KHDRBS3: variants seen among roughly 807,000 people sequenced by gnomAD.
The protein encoded by KHDRBS3 is KH domain-containing, RNA-binding, signal transduction-associated protein 3.
Under a neutral mutation model 45.6 loss-of-function variants are expected in KHDRBS3, and 23 were observed. The observed-to-expected ratio is 0.50, with a 90% CI of 0.36 to 0.72. KHDRBS3 has a LOEUF of 0.72. KHDRBS3 is among the 30% of genes least tolerant of loss of function. KHDRBS3 has a pLI of 0.00. For missense variants in KHDRBS3, 352 were observed against 424.8 expected (o/e 0.83, Z 1.51); for synonymous variants, 162 against 156.5 (o/e 1.04, Z -0.26).
intron 5 of KHDRBS3, among the ~76,000 whole-genome samples, chr8:135,575,644 T>A (rs1410248758): frequency 6.6e-6 from 1 of 152,084 alleles, no homozygotes; most frequent in Non-Finnish European, 1.5e-5. Context: ...AGCTGCAAAA[T>A]TGAGATTTTT....
downstream of KHDRBS3, among the ~76,000 whole-genome samples, chr8:135,650,826 TTCATGGAGAGAG>T (rs1416110503): frequency 6.6e-6 from 1 of 152,204 alleles, no homozygotes; most frequent in Non-Finnish European, 1.5e-5. Flanking sequence ...ACCAGATTCC[TTCATGGAGAGAG>T]TCTTTCACTT....
intron 1 of KHDRBS3, chr8:135,458,258 TGGGG>T: frequency 3.8e-6 from 4 of 1,063,292 alleles, no homozygotes; most frequent in Non-Finnish European, 4.7e-6. Flanking sequence ...AGCGACCATC[TGGGG>T]GCTTCGTTGG....
chr8:135,557,608 A>G (rs751791488), intron 5 of KHDRBS3, 21 bp downstream of exon 5: 4 of 1,581,730 alleles, frequency 2.5e-6, no homozygotes, highest in Admixed American at 1.7e-5. Flanking sequence ...ATTTTTTTTT[A>G]GGTTAACATA....
chr8:135,460,634 A>G (rs1821382550), intron 1 of KHDRBS3, among the ~76,000 whole-genome samples: 1 of 152,232 alleles, frequency 6.6e-6, no homozygotes, highest in Non-Finnish European at 1.5e-5. Flanking sequence ...ACTGACTTAA[A>G]TGTGTAGGAA....
intron 7 of KHDRBS3, among the ~76,000 whole-genome samples, chr8:135,636,977 C>G (rs1020535782): frequency 1.1e-4 from 16 of 152,188 alleles, no homozygotes; most frequent in Non-Finnish European, 1.3e-4. Flanking sequence ...AGTGGCATTG[C>G]CCTAGTAGGA....
At chr8:135,582,189 A>G in intron 6 of KHDRBS3, 116 bp downstream of exon 6, 1 of 1,036,606 alleles carries the variant, frequency 9.6e-7, no homozygotes, top group East Asian at 3.0e-5. Flanking sequence ...TGAGTATTCT[A>G]CTTTGTTTCA....
chr8:135,539,502 G>C (rs1825940841), intron 2 of KHDRBS3: 1 of 152,140 alleles, frequency 6.6e-6, no homozygotes, highest in Non-Finnish European at 1.5e-5. Context: ...ACAGTAGGTG[G>C]GTCTTGTTCA....
rs1821155019 is a variant in KHDRBS3 at position 135,457,457 on chromosome 8, G to C, written c.-410G>C. 6.8e-6 allele frequency: 1 copy of C among 147,162 alleles called. No homozygotes were observed. The highest frequency in any genetic ancestry group is 1.9e-4 in the South Asian group (1 of 5,314). The allele number at this position is 147,162 out of a possible 1,614,324, so 9.1% of individuals were successfully genotyped here. A position where few individuals can be genotyped will look rare whatever the true frequency, so the allele number is the denominator to read the frequency against. On this transcript the variant is annotated 5_prime_UTR_variant, in exon 1 of 9. Coordinates refer to ENST00000355849, the MANE Select transcript of KHDRBS3 (RefSeq NM_006558.3). The surrounding 1 kb of genome is among the most constrained non-coding windows in gnomAD (Gnocchi z 4.4). ...GCTGGGCGCTCGGCGCGGTGGCTCA[G>C]AGTGCGCGGGGCGGCGCGCGGCGTG...
chr8:135,487,887 ACT>A (rs1420720285), intron 1 of KHDRBS3, among the ~76,000 whole-genome samples: 1 of 152,094 alleles, frequency 6.6e-6, no homozygotes, highest in African/African-American at 2.4e-5. Context: ...AATCTTTGTA[ACT>A]CTGTTGGATT....
At chr8:135,494,211 A>T (rs1823299522) in intron 1 of KHDRBS3, among the ~76,000 whole-genome samples, 2 of 146,796 alleles carry the variant, frequency 1.4e-5, no homozygotes, top group African/African-American at 5.0e-5. Context: ...TTTTTTTCCA[A>T]TATTTTGTAC....
rs192548529 is a variant in KHDRBS3, at chr8:135,625,966, A to G, written c.890+18929A>G. 4.6e-5 allele frequency: 36 copies of G among 789,710 alleles called. No individual in the cohort carries two copies. The African/African-American group carries it at 5.2e-4, about 11-fold the overall frequency. The allele number at this position is 789,710 out of a possible 1,614,324, so 48.9% of individuals were successfully genotyped here. ...TTATCACTGGTCACTGACGTTGAGT[A>G]TACGTTCACTGCCATCTTCGGCTCT... On this transcript the variant is annotated intron_variant, in intron 7 of 8. Coordinates refer to ENST00000355849, the MANE Select transcript of KHDRBS3 (RefSeq NM_006558.3).
At chr8:135,608,489 G>A (rs976119904) in intron 7 of KHDRBS3, among the ~76,000 whole-genome samples, 14 of 152,276 alleles carry the variant, frequency 9.2e-5, no homozygotes, top group African/African-American at 3.1e-4. Flanking sequence ...TAAAGCTGAT[G>A]GTATTGCTGT....
intron 7 of KHDRBS3, among the ~76,000 whole-genome samples, chr8:135,624,325 A>G (rs1477423098): frequency 6.6e-6 from 1 of 152,206 alleles, no homozygotes; most frequent in Non-Finnish European, 1.5e-5. Context: ...GTAAACCTAA[A>G]AGACAGTAAA....
At chr8:135,565,190 T>A (rs924570477) in intron 5 of KHDRBS3, among the ~76,000 whole-genome samples, 1 of 152,150 alleles carries the variant, frequency 6.6e-6, no homozygotes, top group Non-Finnish European at 1.5e-5. Context: ...CTTGCCCGGT[T>A]TAAGATTAGC....
intron 1 of KHDRBS3, among the ~76,000 whole-genome samples, chr8:135,480,479 A>T (rs1822506415): frequency 6.6e-6 from 1 of 152,184 alleles, no homozygotes; most frequent in Admixed American, 6.5e-5. Context: ...ATTTCTTCTG[A>T]TAATAAATGT....
Position 135,457,967 on chromosome 8 carries a change from C to T in KHDRBS3, c.88+13C>T. Reference sequence around the variant, plus strand: ...CTGGTGAACCAAGGTGAGGCGCCGGCCGTTAACTGCCGGCCGGCGGCGGTT... The same window carrying T: ...CTGGTGAACCAAGGTGAGGCGCCGGTCGTTAACTGCCGGCCGGCGGCGGTT... On this transcript the variant is annotated intron_variant, in intron 1 of 8. Transcript: ENST00000355849. The surrounding 1 kb of genome is among the most constrained non-coding windows in gnomAD (Gnocchi z 4.4). 6.3e-7 allele frequency: 1 copy of T among 1,578,874 alleles called. No homozygotes were observed. Among genetic ancestry groups the T allele is most frequent in the Non-Finnish European group, 8.6e-7 (1 of 1,163,674 alleles).
In KHDRBS3 at chr8:135,513,447, A is replaced by G. The variant is rs142468386; in HGVS notation, c.89-7790A>G. ...GCGCTGTTATTTCTACATTTCTTTG[A>G]TGAGGAAATTGTGACTTATAAGTTA... is the stretch of plus-strand genomic sequence containing the variant. On this transcript the variant is annotated intron_variant, in intron 1 of 8. Coordinates refer to ENST00000355849, the MANE Select transcript of KHDRBS3 (RefSeq NM_006558.3). Among the ~76,000 whole-genome samples the G allele has an allele frequency of 4.0e-3, 603 of 152,268 alleles. 6 individuals are homozygous for G. Among genetic ancestry groups the G allele is most frequent in the Non-Finnish European group, 6.3e-3 (426 of 68,018 alleles).
intron 6 of KHDRBS3, among the ~76,000 whole-genome samples, chr8:135,591,057 T>C (rs1214687641): frequency 6.6e-6 from 1 of 152,222 alleles, no homozygotes; most frequent in East Asian, 1.9e-4. Context: ...ATAAGATGTT[T>C]GTTGAACAGA....
intron 1 of KHDRBS3, among the ~76,000 whole-genome samples, chr8:135,512,557 C>T (rs1824356817): frequency 1.3e-5 from 2 of 151,648 alleles, no homozygotes; most frequent in Admixed American, 1.3e-4. Context: ...TCTTATAAAA[C>T]AAGTTACAGT....
Sources: gnomAD v4.1 joint callset for allele counts (sites outside exome capture counted in the v4.1 genomes callset) on GRCh38, gnomAD v4.1.1 for gene constraint, Gnocchi (gnomAD v3.1) non-coding constraint, MANE v1.5 for transcripts, NCBI Gene and HGNC (gene_info 2026-07-23, HGNC 2026-07-21) for gene names.